Variants in TRIM36 observed in about 807,000 individuals in gnomAD.
TRIM36 encodes tripartite motif containing 36.
Under a neutral mutation model 72.4 loss-of-function variants are expected in TRIM36, and 42 were observed. The observed-to-expected ratio is 0.58, with a 90% CI of 0.45 to 0.75. TRIM36 has a LOEUF of 0.75. Ranked by LOEUF, TRIM36 falls within the 30% of genes least tolerant of loss-of-function variation. The pLI is 0.00. For synonymous variants in TRIM36, 315 were observed against 282.8 expected (o/e 1.11, Z -1.14); for missense variants, 913 against 857.1 (o/e 1.07, Z -0.81).
At chr5:115,175,334 C>T (rs1010100946) in intron 1 of TRIM36, among the ~76,000 whole-genome samples, 3 of 152,166 alleles carry the variant, frequency 2.0e-5, no homozygotes, top group South Asian at 2.1e-4. Flanking sequence ...TATGATGTGT[C>T]GATAACAGTA....
upstream of TRIM36, chr5:115,171,090 C>T (rs1291495892): frequency 2.5e-6 from 4 of 1,614,150 alleles, no homozygotes; most frequent in Admixed American, 1.7e-5. Context: ...AGAGCTGTAG[C>T]GAGACATCTC....
Position 115,126,877 on chromosome 5 carries a change from A to C in TRIM36, c.1797-20T>G, listed in dbSNP as rs377343114. On this transcript the variant is annotated intron_variant, in intron 9 of 9. Coordinates refer to ENST00000513154, the MANE Select transcript of TRIM36 (RefSeq NM_001300759.2). ...TCATATCTGAAACATAATACAAAGC[A>C]TCTGTATCTTCAACAATAGATCTAA... 3.2e-6 allele frequency: 5 copies of C among 1,584,638 alleles called. No homozygotes were observed. The African/African-American group carries it at 6.8e-5, about 21-fold the overall frequency.
Position 115,147,386 on chromosome 5 carries a change from G to T in TRIM36, c.271C>A (p.Arg91Ser), listed in dbSNP as rs1179665191. Residue 91 changes from arginine (R) to serine (S), a missense_variant, in exon 3 of 10, where the codon CGC (arginine) becomes AGC (serine). Transcript: ENST00000513154. ...GTTGTCCTCGGGGTCAATGAATTGC[G>T]CTTCCAGCCTGTGTAATTAGTAAGT... ...IDRINRPGWKRNSLTPRTTVF... is the reference protein window; with the variant it reads ...IDRINRPGWKSNSLTPRTTVF... 1 of 1,608,790 alleles carries T rather than the reference G, an allele frequency of 6.2e-7. No homozygotes were observed. The highest frequency in any genetic ancestry group is 8.5e-7 in the Non-Finnish European group (1 of 1,175,534).
At chr5:115,149,656 A>AAAAAAG (rs911194516) in intron 2 of TRIM36, 4 of 150,648 alleles carry the variant, frequency 2.7e-5, no homozygotes, top group African/African-American at 9.8e-5. Flanking sequence ...AAAAAAAAAA[A>AAAAAAG]AAAGGTGTGA....
chr5:115,167,581 G>A (rs1181820333), intron 1 of TRIM36, among the ~76,000 whole-genome samples: 5 of 152,150 alleles, frequency 3.3e-5, no homozygotes, highest in Admixed American at 2.6e-4. Flanking sequence ...TCCAGTTTCC[G>A]ACAAGTTCCT....
rs765841460 is a variant in TRIM36, at chr5:115,169,696, G to A, written c.-62C>T. On this transcript the variant is annotated 5_prime_UTR_variant, in exon 1 of 10. Coordinates refer to ENST00000513154, the MANE Select transcript of TRIM36 (RefSeq NM_001300759.2). ...CACTCACACCGGCTACCGAGCGCAGGGTCTGGTGGGCGGGTCCCTGCGGCG... is the reference window on the plus strand; with the variant it reads ...CACTCACACCGGCTACCGAGCGCAGAGTCTGGTGGGCGGGTCCCTGCGGCG... 1.8e-4 allele frequency: 277 copies of A among 1,505,344 alleles called. No homozygotes were observed. Among genetic ancestry groups the A allele is most frequent in the Non-Finnish European group, 2.3e-4 (263 of 1,128,890 alleles). 93.2% of individuals were successfully genotyped at this position (1,505,344 alleles called of 1,614,324 possible).
chr5:115,173,013 G>A (rs975446647), upstream of TRIM36, among the ~76,000 whole-genome samples: 2 of 152,090 alleles, frequency 1.3e-5, no homozygotes, highest in Non-Finnish European at 2.9e-5. Flanking sequence ...AAAACAAAAG[G>A]TGAGGGGAAG....
intron 8 of TRIM36, among the ~76,000 whole-genome samples, chr5:115,132,796 A>G (rs1752761981): frequency 1.3e-5 from 2 of 152,332 alleles, no homozygotes; most frequent in South Asian, 4.1e-4. Context: ...GACTGAAAAC[A>G]GCAGTTATGT....
chr5:115,128,093 G>GGT (rs1752449305), intron 9 of TRIM36, among the ~76,000 whole-genome samples: 1 of 150,140 alleles, frequency 6.7e-6, no homozygotes, highest in East Asian at 2.0e-4. Flanking sequence ...AAAAATTGGG[G>GGT]GGGGCCAGGA....
At position 115,134,068 on chromosome 5, in the gene TRIM36, C is replaced by G; in HGVS notation, c.1290G>C (p.Lys430Asn). The G allele has an allele frequency of 1.9e-6, 3 of 1,613,382 alleles. No individual in the cohort carries two copies. Among genetic ancestry groups the G allele is most frequent in the Non-Finnish European group, 2.5e-6 (3 of 1,179,770 alleles). The part of the protein sequence containing the change: ...NALINWHHPE[K>N]DKADSYVLEY... ...CAAGAACATAGCTATCAGCTTTATC[C>G]TTTTCTGGATGGTGCCAATTTATCA... Residue 430 changes from lysine to asparagine, a missense_variant, in exon 8 of 10, where the codon AAG (lysine) becomes AAC (asparagine). By Grantham distance (94) the Lys-to-Asn change is moderately conservative. Coordinates refer to ENST00000513154, the MANE Select transcript of TRIM36 (RefSeq NM_001300759.2).
In TRIM36 at chr5:115,135,300, C is replaced by G. The variant is rs6594873; in HGVS notation, c.1211-1153G>C. Among the ~76,000 whole-genome samples the G allele has an allele frequency of 3.4e-3, 515 of 152,174 alleles. 1 individual carries two copies. Among genetic ancestry groups the G allele is most frequent in the African/African-American group, 9.5e-3 (394 of 41,524 alleles). On this transcript the variant is annotated intron_variant, in intron 7 of 9. Coordinates refer to ENST00000513154, the MANE Select transcript of TRIM36 (RefSeq NM_001300759.2). ...AAGTCTCTTTCCTCTCCTTATTCCC[C>G]AATGTATAAGCATTTCTGTGTATGC...
chr5:115,128,884 C>T (rs1752507851), intron 9 of TRIM36, among the ~76,000 whole-genome samples: 1 of 148,606 alleles, frequency 6.7e-6, no homozygotes, highest in Admixed American at 6.7e-5. Flanking sequence ...GTAAAGTTTA[C>T]AGTAGTGTGC....
At chr5:115,166,283 C>T (rs928997502) in intron 1 of TRIM36, among the ~76,000 whole-genome samples, 1 of 152,200 alleles carries the variant, frequency 6.6e-6, no homozygotes, top group Non-Finnish European at 1.5e-5. Flanking sequence ...ACACTTCCTC[C>T]CCTCTGAAGC....
At chr5:115,168,179 A>C (rs762391355) in intron 1 of TRIM36, among the ~76,000 whole-genome samples, 1 of 152,184 alleles carries the variant, frequency 6.6e-6, no homozygotes, top group Non-Finnish European at 1.5e-5. Context: ...CCATAACAGA[A>C]TATTAAAAGA....
rs1203963767 is a variant in TRIM36, at chr5:115,126,370, A to T, written c.*133T>A. 3 of 682,768 alleles carry T rather than the reference A, an allele frequency of 4.4e-6. No individual in the cohort carries two copies. Among genetic ancestry groups the T allele is most frequent in the East Asian group, 5.5e-5 (2 of 36,510 alleles). The allele number at this position is 682,768 out of a possible 1,614,324, so 42.3% of individuals were successfully genotyped here. A position where few individuals can be genotyped will look rare whatever the true frequency, so the allele number is the denominator to read the frequency against. On this transcript the variant is annotated 3_prime_UTR_variant, in exon 10 of 10. Coordinates refer to ENST00000513154, the MANE Select transcript of TRIM36 (RefSeq NM_001300759.2). ...ACACAAGGCTGTTTAGATTTTCTGT[A>T]TTTCAAGAAGAATCATACTCAAACA...
intron 2 of TRIM36, among the ~76,000 whole-genome samples, chr5:115,162,583 A>T (rs1212458740): frequency 6.6e-6 from 1 of 151,866 alleles, no homozygotes; most frequent in African/African-American, 2.4e-5. Context: ...CAATCTAATT[A>T]TAAGTAGAAA....
chr5:115,138,466 T>C (rs1753091223), intron 5 of TRIM36, among the ~76,000 whole-genome samples: 1 of 152,186 alleles, frequency 6.6e-6, no homozygotes, highest in Non-Finnish European at 1.5e-5. Flanking sequence ...AATAAAAGTA[T>C]CCTCTTCACT....
In TRIM36 at chr5:115,169,680, C is replaced by A. The variant is rs1345376041; in HGVS notation, c.-46G>T. ...CATCAGCGGCACGTTCCACTCACAC[C>A]GGCTACCGAGCGCAGGGTCTGGTGG... On this transcript the variant is annotated 5_prime_UTR_variant, in exon 1 of 10. Coordinates refer to ENST00000513154, the MANE Select transcript of TRIM36 (RefSeq NM_001300759.2). 1.3e-6 allele frequency: 2 copies of A among 1,513,932 alleles called. No individual in the cohort carries two copies. Among genetic ancestry groups the A allele is most frequent in the Non-Finnish European group, 1.8e-6 (2 of 1,135,186 alleles). 93.8% of individuals were successfully genotyped at this position (1,513,932 alleles called of 1,614,324 possible). A position where few individuals can be genotyped will look rare whatever the true frequency, so the allele number is the denominator to read the frequency against.
chr5:115,144,539 T>C, intron 4 of TRIM36, 59 bp downstream of exon 4: 1 of 1,599,160 alleles, frequency 6.3e-7, no homozygotes, highest in Non-Finnish European at 8.5e-7. Flanking sequence ...AAATGAAAAG[T>C]TAAAGGCATA....
Sources: allele counts gnomAD v4.1 joint callset (sites outside exome capture counted in the v4.1 genomes callset), GRCh38; gene constraint gnomAD v4.1.1; transcripts MANE v1.5; gene names NCBI Gene and HGNC (gene_info 2026-07-23, HGNC 2026-07-21).